The following FANCA variants were observed in gnomAD, a reference collection of about 807,000 sequenced individuals.
FANCA encodes the protein Fanconi anemia group A protein.
In FANCA, 236 loss-of-function variants were observed where a neutral mutation model predicts 194.3. The observed-to-expected ratio is 1.21, with a 90% CI of 1.09 to 1.35. The LOEUF is 1.35. Ranked by LOEUF, FANCA falls within the 40% of genes most tolerant of loss-of-function variation. FANCA has a pLI of 0.00. For missense variants in FANCA, 2,628 were observed against 1,813.9 expected (o/e 1.45, Z -8.15); for synonymous variants, 1,014 against 715.8 (o/e 1.42, Z -6.65).
Position 89,776,902 on chromosome 16 carries a change from G to A in FANCA, c.1827-1087C>T, listed in dbSNP as rs1003482736. Among the ~76,000 whole-genome samples the A allele has an allele frequency of 5.9e-5, 9 of 152,088 alleles. No homozygotes were observed. The South Asian group carries it at 8.3e-4, about 14-fold the overall frequency. ...AAAAATCCTTAGCAAATTAGTAAGA[G>A]GGAACTTTCTTAACATGATAAAGGG... On this transcript the variant is annotated intron_variant, in intron 20 of 42. Coordinates refer to ENST00000389301, the MANE Select transcript of FANCA (RefSeq NM_000135.4).
intron 20 of FANCA, 118 bp downstream of exon 20, chr16:89,778,683 A>AT: frequency 1.1e-6 from 1 of 872,692 alleles, no homozygotes; most frequent in South Asian, 1.5e-5. Context: ...TGGAGCCAAT[A>AT]TTTTACCAAT....
At chr16:89,808,072 C>A (rs1360245959) in intron 6 of FANCA, among the ~76,000 whole-genome samples, 3 of 61,392 alleles carry the variant, frequency 4.9e-5, no homozygotes, top group East Asian at 9.0e-4. Flanking sequence ...AAAAAACAGA[C>A]AAAAAGCAAA....
intron 37 of FANCA, among the ~76,000 whole-genome samples, chr16:89,742,327 A>C (rs1007496868): frequency 6.6e-6 from 1 of 152,062 alleles, no homozygotes; most frequent in Non-Finnish European, 1.5e-5. Context: ...GCATGGTGGC[A>C]CACACCTGTA....
intron 20 of FANCA, among the ~76,000 whole-genome samples, chr16:89,776,059 C>A (rs1598121438): frequency 2.0e-5 from 3 of 151,398 alleles, no homozygotes; most frequent in African/African-American, 7.3e-5. Flanking sequence ...CACAAAATAC[C>A]ACCAGTGATT....
intron 39 of FANCA, 184 bp from the exon 40 acceptor site, chr16:89,739,737 G>C: frequency 6.7e-7 from 1 of 1,492,946 alleles, no homozygotes; most frequent in South Asian, 1.3e-5. Flanking sequence ...TGGGGGGGTC[G>C]ACCTCTTGCA....
At chr16:89,777,844 T>C (rs1171328090) in intron 20 of FANCA, among the ~76,000 whole-genome samples, 4 of 151,620 alleles carry the variant, frequency 2.6e-5, no homozygotes, top group Admixed American at 1.3e-4. Flanking sequence ...ACAATCATTA[T>C]GTACTGAAAC....
chr16:89,778,373 G>C, intron 20 of FANCA: 1 of 375,036 alleles, frequency 2.7e-6, no homozygotes, highest in Non-Finnish European at 5.1e-6. Flanking sequence ...GGCTGAGGCA[G>C]GACAATTGCT....
chr16:89,794,921 A>G (rs1190696353), intron 11 of FANCA, among the ~76,000 whole-genome samples: 1 of 152,208 alleles, frequency 6.6e-6, no homozygotes, highest in East Asian at 1.9e-4. Context: ...GCAGAAAGAT[A>G]ACGTGAGTTG....
chr16:89,781,729 G>A (rs1392437173), intron 17 of FANCA, among the ~76,000 whole-genome samples: 7 of 149,588 alleles, frequency 4.7e-5, no homozygotes, highest in Admixed American at 2.7e-4. Flanking sequence ...GCCGGCCATG[G>A]TGGCTCACGC....
chr16:89,802,430 G>C (rs1002973791), intron 8 of FANCA, among the ~76,000 whole-genome samples: 2 of 151,326 alleles, frequency 1.3e-5, no homozygotes, highest in African/African-American at 2.4e-5. Context: ...TTCTGAGATG[G>C]AGTCTCTGTC....
chr16:89,741,179 G>A (rs1005459635), intron 37 of FANCA, among the ~76,000 whole-genome samples: 2 of 152,184 alleles, frequency 1.3e-5, no homozygotes, highest in Non-Finnish European at 2.9e-5. Flanking sequence ...TCATCTCCCT[G>A]CAAGGCCTCC....
chr16:89,757,729 T>A (rs944791816), intron 30 of FANCA, among the ~76,000 whole-genome samples: 3 of 152,170 alleles, frequency 2.0e-5, no homozygotes, highest in African/African-American at 4.8e-5. Flanking sequence ...CTGGCCCACA[T>A]GCAACACCTC....
chr16:89,786,013 C>A (rs1456296291), intron 14 of FANCA, among the ~76,000 whole-genome samples: 1 of 98,590 alleles, frequency 1.0e-5, no homozygotes, highest in African/African-American at 5.2e-5. Context: ...CCACTCCCAG[C>A]TATTTTTTTT....
intron 37 of FANCA, among the ~76,000 whole-genome samples, chr16:89,742,119 G>A (rs953346088): frequency 3.3e-5 from 5 of 151,958 alleles, no homozygotes; most frequent in African/African-American, 1.2e-4. Flanking sequence ...TGGGATTGTA[G>A]GTGCGCACCA....
At chr16:89,750,551 G>A (rs1261123522) in intron 31 of FANCA, among the ~76,000 whole-genome samples, 1 of 151,800 alleles carries the variant, frequency 6.6e-6, no homozygotes, top group African/African-American at 2.4e-5. Flanking sequence ...AACTTTGGGA[G>A]GCCAAGACAG....
intron 14 of FANCA, among the ~76,000 whole-genome samples, chr16:89,788,500 C>T (rs1159103706): frequency 1.3e-5 from 2 of 151,808 alleles, no homozygotes; most frequent in Non-Finnish European, 2.9e-5. Context: ...ATACATTTAT[C>T]AAAACTCATC....
intron 7 of FANCA, among the ~76,000 whole-genome samples, chr16:89,805,051 G>C (rs1029481141): frequency 2.6e-5 from 4 of 152,040 alleles, no homozygotes; most frequent in Non-Finnish European, 2.9e-5. Context: ...CTATGGGAAA[G>C]GTGAATGGAA....
intron 20 of FANCA, among the ~76,000 whole-genome samples, chr16:89,776,788 G>A (rs1294765204): frequency 6.6e-6 from 1 of 150,940 alleles, no homozygotes; most frequent in East Asian, 1.9e-4. Flanking sequence ...CCGAGATTGC[G>A]CCACTGCACT....
intron 11 of FANCA, 91 bp downstream of exon 11, chr16:89,795,815 C>G: frequency 1.1e-6 from 1 of 906,300 alleles, no homozygotes; most frequent in Non-Finnish European, 1.9e-6. Flanking sequence ...TCCTAGAATT[C>G]CTGGCATCTC....
Sources: gnomAD v4.1 joint callset for allele counts (sites outside exome capture counted in the v4.1 genomes callset) on GRCh38, gnomAD v4.1.1 for gene constraint, MANE v1.5 for transcripts, NCBI Gene and HGNC (gene_info 2026-07-23, HGNC 2026-07-21) for gene names.